The following MYZAP variants were observed in gnomAD, a reference collection of about 807,000 sequenced individuals.
The protein encoded by MYZAP is myocardial zonula adherens protein, also known as GRINL1A complex locus upstream.
In MYZAP, 66 loss-of-function variants were observed where a neutral mutation model predicts 69.4. The observed-to-expected ratio is 0.95, with a 90% confidence interval of 0.78 to 1.17. The LOEUF is 1.17. Among genes scored for constraint, MYZAP ranks in the 50% most tolerant of loss-of-function variants. MYZAP has a pLI of 0.00. For missense variants in MYZAP, 611 were observed against 556.2 expected, an observed-to-expected ratio of 1.10 and a Z score of -0.99; for synonymous variants, 256 against 205.9, an observed-to-expected ratio of 1.24 and a Z score of -2.09.
At chr15:57,601,853 G>A (rs2034436572) in intron 1 of MYZAP, among the ~76,000 whole-genome samples, 1 of 152,118 alleles carries the variant, frequency 6.6e-6, no homozygotes, top group South Asian at 2.1e-4. Flanking sequence ...GACAACCCTG[G>A]GTCCATTAGG....
At chr15:57,612,987 A>G (rs1055449449) in intron 2 of MYZAP, among the ~76,000 whole-genome samples, 13 of 151,652 alleles carry the variant, frequency 8.6e-5, no homozygotes, top group African/African-American at 3.2e-4. Flanking sequence ...GCTGGAGTGC[A>G]ATGGTGCGAT....
At chr15:57,645,846 C>T (rs2037416759) in intron 10 of MYZAP, among the ~76,000 whole-genome samples, 1 of 152,220 alleles carries the variant, frequency 6.6e-6, no homozygotes, top group Non-Finnish European at 1.5e-5. Context: ...AGCCATCAAT[C>T]TCTTCACAAG....
intron 1 of MYZAP, among the ~76,000 whole-genome samples, chr15:57,593,880 TTG>T (rs1280849344): frequency 1.3e-5 from 2 of 152,104 alleles, no homozygotes; most frequent in Admixed American, 6.6e-5. Context: ...GTGCTGGGGA[TTG>T]TGTGTGTGGT....
In MYZAP at chr15:57,611,356, G is replaced by A. The variant is rs55822645; in HGVS notation, c.163-6677G>A. Among the ~76,000 whole-genome samples the A allele has an allele frequency of 5.1e-3, 784 of 152,286 alleles. 3 individuals are homozygous for A. The highest frequency in any genetic ancestry group is 0.018 in the African/African-American group (761 of 41,540). Reference sequence around the variant, plus strand: ...CTCCTATCAGAGAAACTCTGTTTAGGATATTTACATTTTATCAGTCAAGGT... The same window carrying A: ...CTCCTATCAGAGAAACTCTGTTTAGAATATTTACATTTTATCAGTCAAGGT... On this transcript the variant is annotated intron_variant, in intron 2 of 12. Coordinates refer to ENST00000267853, the MANE Select transcript of MYZAP (RefSeq NM_001018100.5).
chr15:57,624,070 A>G (rs1410394583), intron 4 of MYZAP, among the ~76,000 whole-genome samples: 2 of 152,224 alleles, frequency 1.3e-5, no homozygotes, highest in Non-Finnish European at 2.9e-5. Context: ...ATAAAAATAT[A>G]AAAGTAACTT....
At chr15:57,616,183 A>G (rs1156539442) in intron 2 of MYZAP, among the ~76,000 whole-genome samples, 2 of 152,228 alleles carry the variant, frequency 1.3e-5, no homozygotes, top group East Asian at 1.9e-4. Context: ...GCCACAATGA[A>G]TGATTTTCAA....
chr15:57,673,463 CGTGTGTGTGTGTGTGTGT>C (rs3051249), intron 11 of MYZAP, among the ~76,000 whole-genome samples: 57 of 102,662 alleles, frequency 5.6e-4, no homozygotes, highest in African/African-American at 1.6e-3. Context: ...TGCGTGCATG[CGTGTGTGTGTGTGTGTGT>C]GTGTGTGTGT....
In MYZAP at chr15:57,684,515, A is replaced by G. The variant is rs201260564; in HGVS notation, c.*17A>G. 84 of 1,511,470 alleles carry G rather than the reference A, an allele frequency of 5.6e-5. No individual in the cohort carries two copies. The Middle Eastern group carries it at 2.2e-3, about 40-fold the overall frequency. 93.6% of individuals were successfully genotyped at this position (1,511,470 alleles called of 1,614,324 possible). On this transcript the variant is annotated 3_prime_UTR_variant, in exon 13 of 13. Transcript: ENST00000267853. The stretch of plus-strand genomic sequence containing the variant: ...CTGACTTAGGCACTCAGAGGCATAC[A>G]CTTTTTACAGATGGACAAAAGCTCT...
chr15:57,655,713 G>A (rs1351678620), intron 10 of MYZAP, among the ~76,000 whole-genome samples: 1 of 152,060 alleles, frequency 6.6e-6, no homozygotes, highest in African/African-American at 2.4e-5. Flanking sequence ...ATGATTGATC[G>A]GGCTGCAAGG....
chr15:57,622,797 G>A (rs1310886091), intron 4 of MYZAP, among the ~76,000 whole-genome samples: 1 of 152,170 alleles, frequency 6.6e-6, no homozygotes, highest in Non-Finnish European at 1.5e-5. Context: ...TGAGGTAAGG[G>A]AATGCCTTTT....
At chr15:57,664,517 C>T (rs771541809) in intron 11 of MYZAP, among the ~76,000 whole-genome samples, 6 of 152,192 alleles carry the variant, frequency 3.9e-5, no homozygotes, top group African/African-American at 7.2e-5. Context: ...AATGCTGACA[C>T]GTTGCTGCCC....
At chr15:57,624,867 C>T (rs1345381616) in intron 4 of MYZAP, among the ~76,000 whole-genome samples, 1 of 152,172 alleles carries the variant, frequency 6.6e-6, no homozygotes, top group African/African-American at 2.4e-5. Context: ...CAGAGTGCAC[C>T]TCCTGCTCTG....
intron 2 of MYZAP, among the ~76,000 whole-genome samples, chr15:57,616,454 A>T (rs1163393699): frequency 6.6e-6 from 1 of 152,176 alleles, no homozygotes; most frequent in Non-Finnish European, 1.5e-5. Context: ...CCTGGCCAAC[A>T]TGATGAAACC....
chr15:57,659,028 G>A (rs1171253436), intron 10 of MYZAP, among the ~76,000 whole-genome samples: 12 of 152,170 alleles, frequency 7.9e-5, no homozygotes, highest in African/African-American at 2.9e-4. Context: ...CAAGTAAGGA[G>A]TTGATGCCTT....
At chr15:57,635,306 G>A (rs372071363) in intron 8 of MYZAP, among the ~76,000 whole-genome samples, 50 of 152,292 alleles carry the variant, frequency 3.3e-4, no homozygotes, top group African/African-American at 1.2e-3. Context: ...ATATAGTAAG[G>A]GTTCGATCAT....
At chr15:57,630,053 C>T (rs531633534) in intron 6 of MYZAP, among the ~76,000 whole-genome samples, 199 bp downstream of exon 6, 2 of 150,324 alleles carry the variant, frequency 1.3e-5, no homozygotes, top group African/African-American at 4.9e-5. Context: ...ACTGCAACCT[C>T]CGCCTCCTGG....
At chr15:57,666,888 C>G (rs1361025896) in intron 11 of MYZAP, among the ~76,000 whole-genome samples, 1 of 151,840 alleles carries the variant, frequency 6.6e-6, no homozygotes, top group Non-Finnish European at 1.5e-5. Flanking sequence ...TTCTTTTTTT[C>G]AAACAATTTT....
intron 5 of MYZAP, among the ~76,000 whole-genome samples, chr15:57,628,589 C>A (rs1333881321): frequency 6.6e-6 from 1 of 152,076 alleles, no homozygotes; most frequent in East Asian, 1.9e-4. Flanking sequence ...TTCAGTGCGG[C>A]CTGGAGCAAA....
At chr15:57,641,660 C>G (rs1349823349) in intron 10 of MYZAP, among the ~76,000 whole-genome samples, 3 of 152,090 alleles carry the variant, frequency 2.0e-5, no homozygotes, top group African/African-American at 7.2e-5. Context: ...CCACCAGCAA[C>G]AAAAAGAGAG....
Sources: allele counts gnomAD v4.1 joint callset (sites outside exome capture counted in the v4.1 genomes callset), GRCh38; gene constraint gnomAD v4.1.1; transcripts MANE v1.5; gene names NCBI Gene and HGNC (gene_info 2026-07-23, HGNC 2026-07-21).